Variants in WNK3 observed in about 807,000 individuals in gnomAD.
The protein encoded by WNK3 is WNK lysine deficient protein kinase 3.
In WNK3, 18 loss-of-function variants were observed where a neutral mutation model predicts 116.7. That is an observed-to-expected ratio of 0.15 (90% CI 0.11 to 0.23). WNK3 has a LOEUF of 0.23. Ranked by LOEUF, WNK3 falls within the 10% of genes least tolerant of loss-of-function variation. The pLI is 1.00. For missense variants in WNK3, 993 were observed against 1,323.8 expected (o/e 0.75, Z 3.88); for synonymous variants, 404 against 469.4 (o/e 0.86, Z 1.80).
At chrX:54,303,498 C>A (rs1052572469) in intron 5 of WNK3, among the ~76,000 whole-genome samples, 4 of 111,274 alleles carry the variant, frequency 3.6e-5, no homozygotes, top group Admixed American at 1.9e-4. Flanking sequence ...AGCAATCTAA[C>A]ATCTACTTCT....
exon 14 of WNK3, chrX:54,251,681 C>T (rs2068131932): frequency 8.3e-7 from 1 of 1,209,714 alleles, no homozygotes; most frequent in African/African-American, 1.7e-5. Context: ...ACAAAGTTAT[C>T]TTCAACCTGC....
chrX:54,330,487 G>A (rs782477791), intron 2 of WNK3, among the ~76,000 whole-genome samples: 7 of 111,571 alleles, frequency 6.3e-5, no homozygotes, highest in Admixed American at 3.8e-4. Flanking sequence ...AGCCCAGGAC[G>A]TTAAGGCTTC....
chrX:54,265,841 C>T (rs1557157522), intron 10 of WNK3, among the ~76,000 whole-genome samples: 1 of 112,310 alleles, frequency 8.9e-6, no homozygotes, highest in Admixed American at 9.4e-5. Context: ...GTGAGGAGTT[C>T]GAGACCTGCC....
intron 1 of WNK3, among the ~76,000 whole-genome samples, chrX:54,357,312 C>T (rs1181123012): frequency 9.1e-6 from 1 of 109,565 alleles, no homozygotes; most frequent in African/African-American, 3.3e-5. Flanking sequence ...CTTCCATCAG[C>T]TCCCAAAGTT....
intron 10 of WNK3, among the ~76,000 whole-genome samples, chrX:54,261,278 AAAGAC>A (rs1357734426): frequency 9.1e-6 from 1 of 110,326 alleles, no homozygotes; most frequent in Non-Finnish European, 1.9e-5. Flanking sequence ...AGAAAAAGAA[AAAGAC>A]AAGACAAGAC....
At position 54,308,869 on chromosome X, in the gene WNK3, G is replaced by A. The variant is rs977543325; in HGVS notation, c.931+226C>T. Among the ~76,000 whole-genome samples, 3 of 111,894 alleles carry A rather than the reference G, an allele frequency of 2.7e-5. No homozygotes were observed. In the East Asian group the frequency reaches 8.4e-4, roughly 31 times the overall value. ...CTGTTTAGGTTTTGCAGTTTGTATG[G>A]TCTCTGTCACACAACTACTCAACTC... is the stretch of plus-strand genomic sequence containing the variant. On this transcript the variant is annotated intron_variant, in intron 4 of 23. Coordinates refer to ENST00000354646, the Ensembl canonical transcript of WNK3.
At chrX:54,265,913 G>A (rs1201446667) in intron 10 of WNK3, among the ~76,000 whole-genome samples, 1 of 111,073 alleles carries the variant, frequency 9.0e-6, no homozygotes, top group Non-Finnish European at 1.9e-5. Flanking sequence ...ATGTGGTGGC[G>A]GGTGCCTGTA....
intron 1 of WNK3, among the ~76,000 whole-genome samples, chrX:54,343,335 C>T (rs1044606585): frequency 8.2e-5 from 9 of 110,047 alleles, no homozygotes; most frequent in Non-Finnish European, 1.1e-4. Context: ...GATGAAACCC[C>T]GTCTTTACTA....
intron 5 of WNK3, among the ~76,000 whole-genome samples, chrX:54,305,674 CG>C (rs782560944): frequency 2.9e-4 from 32 of 110,350 alleles, no homozygotes; most frequent in African/African-American, 1.1e-3. Flanking sequence ...TCAGTAGCTG[CG>C]GGAAGTTGGG....
chrX:54,295,185 C>T lies in WNK3; in HGVS notation c.1399-338G>A, dbSNP rs185501018. 6.0e-3 allele frequency among the ~76,000 whole-genome samples: 653 copies of T among 109,005 alleles called. 7 individuals carry two copies. Among genetic ancestry groups the T allele is most frequent in the South Asian group, 0.032 (80 of 2,499 alleles). The allele number at this position is 109,005 out of a possible 115,157, so 94.7% of individuals were successfully genotyped here. On this transcript the variant is annotated intron_variant, in intron 7 of 23. Transcript: ENST00000354646. ...TGCTAGGATTACAAGCATGAGCCAC[C>T]GCGCCCGGCCAATTTTAACTTTTTT...
intron 22 of WNK3, among the ~76,000 whole-genome samples, chrX:54,213,177 G>C (rs1190054201): frequency 9.2e-6 from 1 of 108,999 alleles, no homozygotes; most frequent in Non-Finnish European, 1.9e-5. Context: ...GTAGATATGG[G>C]GTGTCACTAT....
intron 21 of WNK3, among the ~76,000 whole-genome samples, chrX:54,231,702 C>G (rs1557148945): frequency 8.9e-6 from 1 of 112,119 alleles, no homozygotes; most frequent in African/African-American, 3.2e-5. Context: ...AGATTAGCAA[C>G]TTTAATCCCA....
intron 1 of WNK3, among the ~76,000 whole-genome samples, chrX:54,349,270 G>C (rs1433023765): frequency 8.9e-6 from 1 of 111,906 alleles, no homozygotes; most frequent in Non-Finnish European, 1.9e-5. Context: ...CCAGGGAGGC[G>C]GAGGTTGCAG....
At chrX:54,286,310 C>T (rs1178010557) in intron 10 of WNK3, among the ~76,000 whole-genome samples, 1 of 110,556 alleles carries the variant, frequency 9.0e-6, no homozygotes, top group Non-Finnish European at 1.9e-5. Context: ...GAAACTTCAG[C>T]TGCAAAGATC....
At chrX:54,347,075 C>G (rs1396061135) in intron 1 of WNK3, among the ~76,000 whole-genome samples, 1 of 112,120 alleles carries the variant, frequency 8.9e-6, no homozygotes, top group Non-Finnish European at 1.9e-5. Flanking sequence ...TTACAAAAAT[C>G]AGGCCTCAAA....
chrX:54,232,139 ATG>A (rs1557149103), intron 21 of WNK3, among the ~76,000 whole-genome samples: 1 of 98,682 alleles, frequency 1.0e-5, no homozygotes, highest in African/African-American at 3.8e-5. Flanking sequence ...ATATATATGT[ATG>A]TATGTATGTA....
intron 7 of WNK3, among the ~76,000 whole-genome samples, chrX:54,295,615 A>G (rs1364368272): frequency 8.9e-6 from 1 of 112,123 alleles, no homozygotes; most frequent in Non-Finnish European, 1.9e-5. Context: ...GAGCTGCTGT[A>G]AAAGTCTTAA....
intron 2 of WNK3, among the ~76,000 whole-genome samples, chrX:54,327,249 G>C (rs2069116523): frequency 9.0e-6 from 1 of 111,642 alleles, no homozygotes; most frequent in Non-Finnish European, 1.9e-5. Flanking sequence ...GGGCTGTTAA[G>C]AATTATTACA....
chrX:54,302,755 A>ATT (rs1569538441), intron 5 of WNK3, among the ~76,000 whole-genome samples: 8 of 39,817 alleles, frequency 2.0e-4, no homozygotes, highest in African/African-American at 6.0e-4. Flanking sequence ...ATATATATAT[A>ATT]TATTTTTTTT....
Sources: gnomAD v4.1 joint callset for allele counts (sites outside exome capture counted in the v4.1 genomes callset) on GRCh38, gnomAD v4.1.1 for gene constraint, MANE v1.5 for transcripts, NCBI Gene and HGNC (gene_info 2026-07-23, HGNC 2026-07-21) for gene names.